The following PLEKHA7 variants were observed in gnomAD, a reference collection of about 807,000 sequenced individuals.
PLEKHA7 encodes pleckstrin homology domain containing A7, also known as pleckstrin homology domain-containing family A member 7.
In PLEKHA7, 104 loss-of-function variants were observed where a neutral mutation model predicts 170.0. The ratio of observed to expected loss-of-function variants is 0.61; its 90% CI spans 0.52 to 0.72. The LOEUF is 0.72. Among genes scored for constraint, PLEKHA7 ranks in the 30% least tolerant of loss-of-function variants. The pLI, the probability that PLEKHA7 is intolerant of heterozygous loss-of-function variation, is 0.00. For missense variants in PLEKHA7, 1,615 were observed against 1,671.7 expected, an observed-to-expected ratio of 0.97 and a Z score of 0.59; for synonymous variants, 648 against 660.8, an observed-to-expected ratio of 0.98 and a Z score of 0.30.
intron 3 of PLEKHA7, among the ~76,000 whole-genome samples, chr11:16,899,881 A>G (rs1193984265): frequency 6.6e-6 from 1 of 152,184 alleles, no homozygotes; most frequent in Admixed American, 6.5e-5. Flanking sequence ...GCTTTATACC[A>G]TACTTGTGAG....
intron 8 of PLEKHA7, among the ~76,000 whole-genome samples, chr11:16,844,559 T>C (rs938991576): frequency 6.6e-6 from 1 of 152,262 alleles, no homozygotes; most frequent in Admixed American, 6.5e-5. Context: ...CAGATGGTAC[T>C]GTTTTCTCTG....
At chr11:16,788,541 C>T (rs979260314) in intron 23 of PLEKHA7, 4 of 156,118 alleles carry the variant, frequency 2.6e-5, no homozygotes, top group Admixed American at 6.4e-5. Context: ...GTGGACAGGG[C>T]GCAGCGCCAG....
chr11:16,909,063 G>C lies in PLEKHA7; in HGVS notation c.222-37881C>G, dbSNP rs746445302. Among the ~76,000 whole-genome samples, 3 of 152,174 alleles carry C rather than the reference G, an allele frequency of 2.0e-5. No individual in the cohort carries two copies. The East Asian group carries it at 5.8e-4, about 29-fold the overall frequency. On this transcript the variant is annotated intron_variant, in intron 3 of 26. Coordinates refer to ENST00000531066, the MANE Select transcript of PLEKHA7 (RefSeq NM_001329630.2). ...CCTGTTTCCTCATTTACAAAATGGA[G>C]AAAATTACAGTACCATCTTTGTAGA...
At chr11:16,879,252 T>C (rs1482296858) in intron 3 of PLEKHA7, among the ~76,000 whole-genome samples, 4 of 152,100 alleles carry the variant, frequency 2.6e-5, no homozygotes, top group Non-Finnish European at 5.9e-5. Context: ...GATCCAAGGG[T>C]TGGGAGGAGT....
chr11:16,918,938 C>T (rs1362093368), intron 3 of PLEKHA7, among the ~76,000 whole-genome samples: 4 of 152,068 alleles, frequency 2.6e-5, no homozygotes, highest in South Asian at 2.1e-4. Context: ...AGGCCCAGCA[C>T]GGTGGCTCAT....
chr11:16,912,701 A>G (rs1167882588), intron 3 of PLEKHA7, among the ~76,000 whole-genome samples: 1 of 152,170 alleles, frequency 6.6e-6, no homozygotes, highest in Non-Finnish European at 1.5e-5. Context: ...AGGTGCTGTG[A>G]TAGAGGGGAG....
intron 3 of PLEKHA7, among the ~76,000 whole-genome samples, chr11:16,913,189 G>A (rs1483424472): frequency 7.9e-5 from 12 of 152,048 alleles, no homozygotes; most frequent in Admixed American, 7.2e-4. Context: ...TACATTTACC[G>A]CTTGGCCAAT....
At chr11:16,822,760 G>A (rs1850337922) in intron 10 of PLEKHA7, among the ~76,000 whole-genome samples, 1 of 152,090 alleles carries the variant, frequency 6.6e-6, no homozygotes, top group South Asian at 2.1e-4. Flanking sequence ...TCTTAGTCCT[G>A]GCTGCACATT....
chr11:16,818,198 C>G (rs1295404583), intron 10 of PLEKHA7, among the ~76,000 whole-genome samples: 1 of 152,242 alleles, frequency 6.6e-6, no homozygotes, highest in African/African-American at 2.4e-5. Flanking sequence ...TTGACACTTG[C>G]TGGCTTTGTG....
At chr11:16,942,728 C>T (rs898158765) in intron 3 of PLEKHA7, among the ~76,000 whole-genome samples, 12 of 152,208 alleles carry the variant, frequency 7.9e-5, no homozygotes, top group South Asian at 2.1e-4. Context: ...TGAATTGCTG[C>T]GGCCGCTGTA....
intron 4 of PLEKHA7, among the ~76,000 whole-genome samples, chr11:16,860,284 G>A (rs1196824562): frequency 6.6e-6 from 1 of 152,186 alleles, no homozygotes; most frequent in African/African-American, 2.4e-5. Context: ...GCATATAACT[G>A]ACAGATGTAG....
At chr11:16,949,314 T>C (rs1861260182) in intron 3 of PLEKHA7, among the ~76,000 whole-genome samples, 1 of 152,188 alleles carries the variant, frequency 6.6e-6, no homozygotes, top group Non-Finnish European at 1.5e-5. Flanking sequence ...CTAGGCCTCA[T>C]TTAGAAGACT....
intron 3 of PLEKHA7, among the ~76,000 whole-genome samples, chr11:16,979,663 T>C (rs944706287): frequency 1.3e-5 from 2 of 152,070 alleles, no homozygotes; most frequent in African/African-American, 4.8e-5. Context: ...GGAGATATAC[T>C]TGCAAAATAC....
At chr11:16,942,114 G>A (rs1178633418) in intron 3 of PLEKHA7, among the ~76,000 whole-genome samples, 1 of 152,210 alleles carries the variant, frequency 6.6e-6, no homozygotes, top group Non-Finnish European at 1.5e-5. Flanking sequence ...CCATTTTACA[G>A]ACGAGAAAAC....
intron 8 of PLEKHA7, among the ~76,000 whole-genome samples, chr11:16,846,057 G>A (rs539987574): frequency 2.2e-4 from 34 of 152,286 alleles, no homozygotes; most frequent in African/African-American, 8.2e-4. Context: ...GGCCGAGGCG[G>A]GTGGGTCACC....
At chr11:16,878,730 G>C (rs1855493748) in intron 3 of PLEKHA7, among the ~76,000 whole-genome samples, 1 of 152,182 alleles carries the variant, frequency 6.6e-6, no homozygotes, top group Non-Finnish European at 1.5e-5. Flanking sequence ...ACAAAGAGCT[G>C]GGATTACAGG....
chr11:16,941,463 A>G (rs1404575120), intron 3 of PLEKHA7, among the ~76,000 whole-genome samples: 1 of 152,210 alleles, frequency 6.6e-6, no homozygotes, highest in Non-Finnish European at 1.5e-5. Context: ...AATCTGGTTC[A>G]ATTTCCCCTT....
At chr11:16,792,306 T>A (rs1485375520) in intron 19 of PLEKHA7, among the ~76,000 whole-genome samples, 1 of 152,206 alleles carries the variant, frequency 6.6e-6, no homozygotes, top group Non-Finnish European at 1.5e-5. Context: ...CTTTTTTATA[T>A]CTTTTGCTTT....
intron 3 of PLEKHA7, among the ~76,000 whole-genome samples, chr11:16,965,416 C>A (rs544116051): frequency 7.2e-5 from 11 of 152,146 alleles, no homozygotes; most frequent in Non-Finnish European, 1.5e-4. Context: ...GTGTCAATGG[C>A]AATGAGAAAG....
Sources: allele counts gnomAD v4.1 joint callset (sites outside exome capture counted in the v4.1 genomes callset), GRCh38; gene constraint gnomAD v4.1.1; transcripts MANE v1.5; gene names NCBI Gene and HGNC (gene_info 2026-07-23, HGNC 2026-07-21).